Variants in AGTPBP1 observed in about 807,000 individuals in gnomAD.
AGTPBP1 encodes ATP/GTP binding carboxypeptidase 1.
Under a neutral mutation model 143.9 loss-of-function variants are expected in AGTPBP1, and 70 were observed. That is an observed-to-expected ratio of 0.49 (90% CI 0.40 to 0.59). The LOEUF is 0.59. AGTPBP1 is among the 20% of genes least tolerant of loss of function. The pLI, the probability that AGTPBP1 is intolerant of heterozygous loss-of-function variation, is 0.00. For missense variants in AGTPBP1, 1,229 were observed against 1,464.5 expected (o/e 0.84, Z 2.62); for synonymous variants, 463 against 500.2 (o/e 0.93, Z 0.99).
At chr9:85,645,205 T>C (rs1204858367) in intron 12 of AGTPBP1, among the ~76,000 whole-genome samples, 1 of 152,166 alleles carries the variant, frequency 6.6e-6, no homozygotes, top group African/African-American at 2.4e-5. Context: ...AGTTAAGTGT[T>C]CAATAATAAA....
intron 7 of AGTPBP1, among the ~76,000 whole-genome samples, chr9:85,671,488 T>C (rs1013950428): frequency 1.3e-5 from 2 of 152,110 alleles, no homozygotes; most frequent in Non-Finnish European, 2.9e-5. Flanking sequence ...AGCCATATTT[T>C]AAAGGTACTG....
At chr9:85,669,005 G>GTGTGTA (rs1414287325) in intron 8 of AGTPBP1, among the ~76,000 whole-genome samples, 5 of 72,590 alleles carry the variant, frequency 6.9e-5, no homozygotes, top group Non-Finnish European at 1.4e-4. Context: ...GTGTGTGTGT[G>GTGTGTA]TGTATACATA....
At chr9:85,746,220 G>C (rs925186467), upstream of AGTPBP1, among the ~76,000 whole-genome samples, 12 of 152,008 alleles carry the variant, frequency 7.9e-5, no homozygotes, top group African/African-American at 2.4e-5. Context: ...TATAAAATCT[G>C]CTGCGATCCA....
the AGTPBP1 span, among the ~76,000 whole-genome samples, chr9:85,775,035 G>A: frequency 1.3e-5 from 2 of 152,142 alleles, no homozygotes; most frequent in African/African-American, 4.8e-5. Context: ...AAACATGGTG[G>A]CTCATCCCTG....
chr9:85,775,711 A>G, the AGTPBP1 span, among the ~76,000 whole-genome samples: 12 of 152,000 alleles, frequency 7.9e-5, no homozygotes, highest in African/African-American at 2.9e-4. Context: ...AAAACTAAAG[A>G]ACTTGGAGTC....
intron 3 of AGTPBP1, among the ~76,000 whole-genome samples, chr9:85,687,128 T>C (rs185093771): frequency 2.4e-4 from 36 of 152,250 alleles, no homozygotes; most frequent in Admixed American, 1.5e-3. Context: ...AGTCTAGAAC[T>C]ATTATGAGAC....
At chr9:85,786,435 C>CA in the AGTPBP1 span, 1 of 1,613,926 alleles carries the variant, frequency 6.2e-7, no homozygotes, top group Non-Finnish European at 8.5e-7. Context: ...CATGGTGTCA[C>CA]ACCTGTAAAA....
intron 10 of AGTPBP1, among the ~76,000 whole-genome samples, chr9:85,655,591 G>A (rs1020450759): frequency 4.0e-5 from 6 of 151,690 alleles, no homozygotes; most frequent in African/African-American, 1.2e-4. Context: ...TGACTTGGGG[G>A]GACACTTGGC....
At position 85,719,807 on chromosome 9, in the gene AGTPBP1, T is replaced by C. The variant is rs566422731; in HGVS notation, c.-33-7241A>G. 3.3e-5 allele frequency among the ~76,000 whole-genome samples: 5 copies of C among 152,340 alleles called. No individual in the cohort carries two copies. The South Asian group carries it at 8.3e-4, about 25-fold the overall frequency. On this transcript the variant is annotated intron_variant, in intron 1 of 25. Coordinates refer to ENST00000357081, the MANE Select transcript of AGTPBP1 (RefSeq NM_001330701.2). ...ATATTGGCTGTGGGTCTGTCATAAA[T>C]AGCTCTTATTATTTTGAGATACATT...
At chr9:85,733,246 T>C (rs1839006833) in intron 1 of AGTPBP1, among the ~76,000 whole-genome samples, 1 of 152,200 alleles carries the variant, frequency 6.6e-6, no homozygotes, top group Non-Finnish European at 1.5e-5. Context: ...TAAGTCTCAA[T>C]TGCTTTTAAA....
At chr9:85,640,898 T>C (rs970941349) in intron 13 of AGTPBP1, among the ~76,000 whole-genome samples, 2 of 152,186 alleles carry the variant, frequency 1.3e-5, no homozygotes, top group African/African-American at 4.8e-5. Flanking sequence ...TTGATTTCCA[T>C]GGTTTCAGTA....
chr9:85,783,027 T>A, the AGTPBP1 span, among the ~76,000 whole-genome samples: 1 of 152,158 alleles, frequency 6.6e-6, no homozygotes, highest in Non-Finnish European at 1.5e-5. Flanking sequence ...GACATCTAGT[T>A]TGTAAATGGC....
intron 25 of AGTPBP1, among the ~76,000 whole-genome samples, chr9:85,549,808 T>C (rs1292709854): frequency 6.6e-6 from 1 of 152,188 alleles, no homozygotes; most frequent in Non-Finnish European, 1.5e-5. Flanking sequence ...AAGAAATGCT[T>C]AGGAAAATAA....
At chr9:85,746,141 C>T (rs1045043330), upstream of AGTPBP1, among the ~76,000 whole-genome samples, 3 of 152,066 alleles carry the variant, frequency 2.0e-5, no homozygotes, top group African/African-American at 4.8e-5. Flanking sequence ...AGTATATAGA[C>T]GTCATACCTG....
intron 3 of AGTPBP1, 48 bp from the exon 4 acceptor site, chr9:85,681,383 T>G: frequency 6.5e-7 from 1 of 1,539,486 alleles, no homozygotes; most frequent in Non-Finnish European, 8.9e-7. Flanking sequence ...TTTTTAAAAG[T>G]ATGTATAGTT....
At chr9:85,601,340 C>T (rs1031086645) in intron 17 of AGTPBP1, among the ~76,000 whole-genome samples, 3 of 152,210 alleles carry the variant, frequency 2.0e-5, no homozygotes, top group African/African-American at 4.8e-5. Context: ...CTGTAAATCA[C>T]GTGAGGGGCT....
intron 22 of AGTPBP1, 120 bp downstream of exon 22, chr9:85,586,711 A>G: frequency 2.4e-6 from 3 of 1,241,792 alleles, no homozygotes; most frequent in Non-Finnish European, 3.3e-6. Flanking sequence ...AACCTTATAA[A>G]ATTAAGACAA....
chr9:85,551,031 T>C (rs531048999), intron 25 of AGTPBP1, among the ~76,000 whole-genome samples: 6 of 152,060 alleles, frequency 3.9e-5, no homozygotes, highest in African/African-American at 1.4e-4. Flanking sequence ...TCATGCGAGA[T>C]CTGGTTGTTT....
intron 17 of AGTPBP1, among the ~76,000 whole-genome samples, chr9:85,600,037 T>A (rs1829563831): frequency 6.6e-6 from 1 of 152,176 alleles, no homozygotes; most frequent in Non-Finnish European, 1.5e-5. Context: ...GGGTTGTTTG[T>A]TGTGTGGATG....
Sources: gnomAD v4.1 joint callset for allele counts (sites outside exome capture counted in the v4.1 genomes callset) on GRCh38, gnomAD v4.1.1 for gene constraint, MANE v1.5 for transcripts, NCBI Gene and HGNC (gene_info 2026-07-23, HGNC 2026-07-21) for gene names.